The following PCDH15 variants were observed in gnomAD, a reference collection of about 807,000 sequenced individuals.
PCDH15 encodes the protein protocadherin-15.
PCDH15 carries 129 observed loss-of-function variants against 178.5 expected under a neutral mutation model. That is an observed-to-expected ratio of 0.72 (90% CI 0.63 to 0.84). The LOEUF is 0.84. Among genes scored for constraint, PCDH15 ranks in the 40% least tolerant of loss-of-function variants. The pLI, the probability that PCDH15 is intolerant of heterozygous loss-of-function variation, is 0.00. For synonymous variants in PCDH15, 800 were observed against 732.0 expected (o/e 1.09, Z -1.50); for missense variants, 2,230 against 2,099.9 (o/e 1.06, Z -1.21).
At chr10:55,138,910 G>C (rs912013260) in intron 2 of PCDH15, among the ~76,000 whole-genome samples, 1 of 151,958 alleles carries the variant, frequency 6.6e-6, no homozygotes, top group African/African-American at 2.4e-5. Flanking sequence ...GTATAATGTT[G>C]AGATTTATCT....
At chr10:55,164,877 C>A (rs1290027844) in intron 2 of PCDH15, among the ~76,000 whole-genome samples, 1 of 152,044 alleles carries the variant, frequency 6.6e-6, no homozygotes, top group Non-Finnish European at 1.5e-5. Flanking sequence ...TTACCCTAAT[C>A]CTTCAAGGAA....
At chr10:54,746,850 T>G (rs568939481) in intron 1 of PCDH15, among the ~76,000 whole-genome samples, 2 of 152,270 alleles carry the variant, frequency 1.3e-5, no homozygotes, top group South Asian at 4.1e-4. Context: ...ACGTACAAGT[T>G]TCCAAGAAAC....
chr10:54,046,983 A>G (rs116686990), intron 18 of PCDH15, among the ~76,000 whole-genome samples: 60 of 152,204 alleles, frequency 3.9e-4, no homozygotes, highest in African/African-American at 1.3e-3. Context: ...ACTGAACTGA[A>G]CTAAAGTGAA....
At chr10:54,021,755 T>C (rs4935493) in intron 19 of PCDH15, among the ~76,000 whole-genome samples, 4,355 of 152,032 alleles carry the variant, frequency 0.029, 102 homozygotes, top group East Asian at 0.11. Context: ...ACTACTAATT[T>C]TCTTGACTGA....
intron 3 of PCDH15, among the ~76,000 whole-genome samples, chr10:54,896,558 T>C (rs1954548772): frequency 6.6e-6 from 1 of 152,034 alleles, no homozygotes; most frequent in Non-Finnish European, 1.5e-5. Context: ...TTTTTACTTG[T>C]AATATGAATG....
chr10:53,884,860 T>C (rs1434615729), intron 26 of PCDH15, among the ~76,000 whole-genome samples: 1 of 152,174 alleles, frequency 6.6e-6, no homozygotes, highest in African/African-American at 2.4e-5. Context: ...GAGATACACA[T>C]TCTCATTGTA....
chr10:54,420,907 G>A (rs556347067), intron 3 of PCDH15, among the ~76,000 whole-genome samples: 105 of 152,086 alleles, frequency 6.9e-4, no homozygotes, highest in African/African-American at 2.4e-3. Context: ...GTAGACTTCA[G>A]GAAACATGCC....
At chr10:55,077,470 T>C (rs1841935246) in intron 2 of PCDH15, among the ~76,000 whole-genome samples, 1 of 149,866 alleles carries the variant, frequency 6.7e-6, no homozygotes, top group Non-Finnish European at 1.5e-5. Flanking sequence ...CTTCCTTTCC[T>C]TCCTTCTTTC....
intron 2 of PCDH15, among the ~76,000 whole-genome samples, chr10:55,345,757 G>A (rs1336241349): frequency 6.6e-6 from 1 of 150,714 alleles, no homozygotes; most frequent in Admixed American, 6.7e-5. Flanking sequence ...TTTATTATTT[G>A]TAATATTCTT....
At chr10:53,976,774 A>C (rs2090218378) in intron 21 of PCDH15, among the ~76,000 whole-genome samples, 1 of 152,044 alleles carries the variant, frequency 6.6e-6, no homozygotes, top group Non-Finnish European at 1.5e-5. Flanking sequence ...AAACTGTCCC[A>C]TAGAAGTGAT....
At chr10:55,283,304 A>T (rs113690939) in intron 1 of PCDH15, among the ~76,000 whole-genome samples, 1 of 152,152 alleles carries the variant, frequency 6.6e-6, no homozygotes, top group East Asian at 1.9e-4. Flanking sequence ...CTATGATTTC[A>T]TCTTGGACCC....
At chr10:55,058,101 G>A (rs901584598) in intron 2 of PCDH15, among the ~76,000 whole-genome samples, 2 of 152,112 alleles carry the variant, frequency 1.3e-5, no homozygotes, top group African/African-American at 2.4e-5. Flanking sequence ...TTAAAAAGAT[G>A]CTAGATACAA....
intron 9 of PCDH15, among the ~76,000 whole-genome samples, chr10:54,226,647 G>A (rs542284415): frequency 6.6e-6 from 1 of 152,262 alleles, no homozygotes; most frequent in Admixed American, 6.5e-5. Context: ...GTCCTCCAAA[G>A]TGTTAACCCA....
rs1397070426 is a variant in PCDH15 at position 54,105,326 on chromosome 10, A to G, written c.1918-15263T>C. Among the ~76,000 whole-genome samples the G allele has an allele frequency of 4.6e-5, 5 of 108,024 alleles. No homozygotes were observed. The Admixed American group carries it at 5.0e-4, about 11-fold the overall frequency. 70.9% of individuals were successfully genotyped at this position (108,024 alleles called of 152,430 possible). A position where few individuals can be genotyped will look rare whatever the true frequency, so the allele number is the denominator to read the frequency against. Reference sequence around the variant, plus strand: ...TATATATATATATATATACACACACACATACATATATATACACACACACAC... The same window carrying G: ...TATATATATATATATATACACACACGCATACATATATATACACACACACAC... On this transcript the variant is annotated intron_variant, in intron 15 of 37. Transcript: ENST00000644397.
chr10:53,898,532 C>T (rs2082120519), intron 26 of PCDH15, among the ~76,000 whole-genome samples: 1 of 152,016 alleles, frequency 6.6e-6, no homozygotes, highest in Non-Finnish European at 1.5e-5. Context: ...ACACAGATAC[C>T]CAGCATGAAA....
At chr10:54,748,843 G>T (rs191666515) in intron 1 of PCDH15, among the ~76,000 whole-genome samples, 1 of 152,304 alleles carries the variant, frequency 6.6e-6, no homozygotes, top group African/African-American at 2.4e-5. Context: ...CTGTACTTGA[G>T]AATGTATCAT....
At chr10:54,542,768 T>C (rs1166343078) in intron 2 of PCDH15, among the ~76,000 whole-genome samples, 1 of 151,976 alleles carries the variant, frequency 6.6e-6, no homozygotes, top group Non-Finnish European at 1.5e-5. Flanking sequence ...AGGGAAGTGC[T>C]GAGTGGAGAA....
chr10:53,895,036 C>T (rs745935749), intron 26 of PCDH15, among the ~76,000 whole-genome samples: 22 of 152,182 alleles, frequency 1.4e-4, no homozygotes, highest in Non-Finnish European at 2.6e-4. Context: ...ATGCACTGTT[C>T]TCTGTAAATT....
intron 1 of PCDH15, among the ~76,000 whole-genome samples, chr10:55,263,959 C>T (rs1226614018): frequency 2.0e-5 from 3 of 149,370 alleles, no homozygotes; most frequent in Admixed American, 1.3e-4. Flanking sequence ...TGGTCTCGAT[C>T]TCCGGACCTC....
Sources: allele counts gnomAD v4.1 joint callset (sites outside exome capture counted in the v4.1 genomes callset), GRCh38; gene constraint gnomAD v4.1.1; transcripts MANE v1.5; gene names NCBI Gene and HGNC (gene_info 2026-07-23, HGNC 2026-07-21).